NFKBID: variants seen among roughly 807,000 people sequenced by gnomAD.
NFKBID encodes the protein NFKB inhibitor delta.
A neutral mutation model predicts 53.4 loss-of-function variants in NFKBID; 26 were observed. The observed-to-expected ratio is 0.49, with a 90% CI of 0.36 to 0.68. The LOEUF (loss-of-function observed/expected upper bound fraction) is 0.68, where lower values mean the gene tolerates loss of function less well. NFKBID is among the 30% of genes least tolerant of loss of function. The pLI is 0.00. For synonymous variants in NFKBID, 262 were observed against 259.8 expected, an observed-to-expected ratio of 1.01 and a Z score of -0.08; for missense variants, 493 against 614.1, an observed-to-expected ratio of 0.80 and a Z score of 2.08.
intron 4 of NFKBID, 121 bp downstream of exon 4, chr19:35,897,530 C>T: frequency 1.4e-6 from 1 of 702,586 alleles, no homozygotes; most frequent in East Asian, 2.5e-5. Flanking sequence ...AGGTGTGAGC[C>T]ACCACGCCCG....
upstream of NFKBID, chr19:35,902,161 T>G (rs1376271195): frequency 1.4e-6 from 1 of 702,812 alleles, no homozygotes; most frequent in African/African-American, 1.7e-5. Flanking sequence ...TGCCCAAACC[T>G]CGTCACTTTC....
At chr19:35,895,680 T>C (rs1337032706) in intron 9 of NFKBID, among the ~76,000 whole-genome samples, 2 of 152,044 alleles carry the variant, frequency 1.3e-5, no homozygotes, top group Non-Finnish European at 2.9e-5. Context: ...GACTCATGCC[T>C]GTAATCCCAG....
At chr19:35,893,676 C>T (rs1222399897) in intron 9 of NFKBID, among the ~76,000 whole-genome samples, 3 of 151,894 alleles carry the variant, frequency 2.0e-5, no homozygotes, top group African/African-American at 7.3e-5. Context: ...AAAATTTAGC[C>T]GGGCGTGGTG....
exon 5 of NFKBID, chr19:35,897,046 T>C: frequency 6.2e-7 from 1 of 1,603,032 alleles, no homozygotes; most frequent in Non-Finnish European, 8.5e-7. Context: ...GCAGAAACTC[T>C]CCAGGGTCCA....
intron 9 of NFKBID, among the ~76,000 whole-genome samples, chr19:35,892,341 C>T (rs1568487332): frequency 2.0e-5 from 3 of 151,926 alleles, no homozygotes; most frequent in Non-Finnish European, 4.4e-5. Context: ...CATGAGCCAC[C>T]GCACCCAGCC....
rs572305645 is a variant in NFKBID at position 35,898,667 on chromosome 19, T to A, written c.165+52A>T. On this transcript the variant is annotated intron_variant, in intron 2 of 11. Transcript: ENST00000641389. ...CCCGAGGGCCCGGCAAGCCGCTGAG[T>A]CCCTACGGGACAGCACGGGGCCTCC... 1,770 of 1,490,964 alleles carry A rather than the reference T, an allele frequency of 1.2e-3. 27 individuals carry two copies. The South Asian group carries it at 0.015, about 12-fold the overall frequency. 92.4% of individuals were successfully genotyped at this position (1,490,964 alleles called of 1,614,324 possible).
Position 35,896,554 on chromosome 19 carries a change from G to T in NFKBID, c.685-16C>A. 2 of 1,613,556 alleles carry T rather than the reference G, an allele frequency of 1.2e-6. No individual in the cohort carries two copies. Among genetic ancestry groups the T allele is most frequent in the Non-Finnish European group, 1.7e-6 (2 of 1,179,642 alleles). Reference sequence around the variant, plus strand: ...GGAGAGGGGTCTGCAGGCCACAGGAGAAGTCAGGTTGGGCTCCTGGTTCCC... The same window carrying T: ...GGAGAGGGGTCTGCAGGCCACAGGATAAGTCAGGTTGGGCTCCTGGTTCCC... On this transcript the variant is annotated splice_polypyrimidine_tract_variant and intron_variant, in intron 6 of 11. Transcript: ENST00000641389. The surrounding 1 kb of genome is among the most constrained non-coding windows in gnomAD (Gnocchi z 5.7).
Position 35,896,176 on chromosome 19 carries a change from C to T in NFKBID, c.883+42G>A. 1 of 1,614,040 alleles carries T rather than the reference C, an allele frequency of 6.2e-7. No individual in the cohort carries two copies. The highest frequency in any genetic ancestry group is 8.5e-7 in the Non-Finnish European group (1 of 1,179,924). ...GACCCGCATCTGCACCCACCTCGCC[C>T]AGCCACACCAACCACACCAGCCCTG... On this transcript the variant is annotated intron_variant, in intron 8 of 11. Coordinates refer to ENST00000641389, the Ensembl canonical transcript of NFKBID. The surrounding 1 kb of genome is among the most constrained non-coding windows in gnomAD (Gnocchi z 5.7).
exon 9 of NFKBID, chr19:35,895,989 G>A (rs760008549): frequency 6.2e-7 from 1 of 1,613,994 alleles, no homozygotes; most frequent in Non-Finnish European, 8.5e-7. Context: ...CCTGGCTGGT[G>A]TGATTAGCAC....
chr19:35,900,676 A>G (rs1001097633), upstream of NFKBID: 3 of 1,223,226 alleles, frequency 2.5e-6, no homozygotes, highest in African/African-American at 4.7e-5. Flanking sequence ...GGCGCGGCGG[A>G]CTTGGGAGGC....
At chr19:35,898,311 C>A (rs1246284161) in intron 3 of NFKBID, among the ~76,000 whole-genome samples, 161 bp downstream of exon 3, 3 of 151,108 alleles carry the variant, frequency 2.0e-5, no homozygotes, top group African/African-American at 7.3e-5. Context: ...AGCGCCACTG[C>A]ACTCCAGTGC....
upstream of NFKBID, among the ~76,000 whole-genome samples, chr19:35,900,832 T>TTC (rs1568499817): frequency 7.3e-6 from 1 of 137,554 alleles, no homozygotes; most frequent in East Asian, 2.3e-4. Context: ...CTTTTCTTTT[T>TTC]TTTTTTTTTT....
chr19:35,897,931 T>C (rs1975297295), intron 3 of NFKBID, 75 bp from the exon 4 acceptor site: 2 of 1,020,908 alleles, frequency 2.0e-6, no homozygotes, highest in Non-Finnish European at 2.9e-6. Flanking sequence ...CTAGAGGGCC[T>C]GGCGTCTCCC....
chr19:35,897,614 G>A (rs1352054161), intron 4 of NFKBID, 37 bp downstream of exon 4: 1 of 1,049,702 alleles, frequency 9.5e-7, no homozygotes, highest in Non-Finnish European at 1.5e-6. Flanking sequence ...GAATTTTTAG[G>A]GGCCCTTCAG....
At chr19:35,890,229 G>T in intron 10 of NFKBID, 145 bp downstream of exon 10, 1 of 844,306 alleles carries the variant, frequency 1.2e-6, no homozygotes. Flanking sequence ...CATGTTCTGG[G>T]GCAATCTGTG....
At chr19:35,895,570 G>C (rs542867515) in intron 9 of NFKBID, among the ~76,000 whole-genome samples, 7 of 152,276 alleles carry the variant, frequency 4.6e-5, no homozygotes, top group African/African-American at 1.4e-4. Context: ...GGGAGGCCAA[G>C]GCAGGTGGAT....
intron 1 of NFKBID, 99 bp from the exon 2 acceptor site, chr19:35,898,921 C>T (rs1044976464): frequency 6.6e-5 from 56 of 847,016 alleles, no homozygotes; most frequent in Non-Finnish European, 1.0e-4. Flanking sequence ...ACCCTCCTCG[C>T]CCTCCCGCGC....
At chr19:35,898,586 C>A in intron 2 of NFKBID, 54 bp from the exon 3 acceptor site, 3 of 1,446,158 alleles carry the variant, frequency 2.1e-6, no homozygotes, top group Non-Finnish European at 2.8e-6. Context: ...GCAGATTCCT[C>A]CGGGTCTGTC....
upstream of NFKBID, chr19:35,901,857 G>T: frequency 2.9e-6 from 1 of 348,350 alleles, no homozygotes; most frequent in Admixed American, 4.5e-5. Context: ...CACTGCGGTG[G>T]CCTCTCCCCT....
Sources: allele counts gnomAD v4.1 joint callset (sites outside exome capture counted in the v4.1 genomes callset), GRCh38; gene constraint gnomAD v4.1.1; non-coding constraint Gnocchi (gnomAD v3.1); transcripts MANE v1.5; gene names NCBI Gene and HGNC (gene_info 2026-07-23, HGNC 2026-07-21).